The following PINX1 variants were observed in gnomAD, a reference collection of about 807,000 sequenced individuals.
The protein encoded by PINX1 is PIN2/TERF1-interacting telomerase inhibitor 1.
A neutral mutation model predicts 25.4 loss-of-function variants in PINX1; 34 were observed. The observed-to-expected ratio is 1.34, with a 90% CI of 1.02 to 1.78. The LOEUF is 1.78. PINX1 is among the 40% of genes most tolerant of loss of function. The pLI is 0.00. For missense variants in PINX1, 592 were observed against 404.9 expected, an observed-to-expected ratio of 1.46 and a Z score of -3.97; for synonymous variants, 197 against 147.7, an observed-to-expected ratio of 1.33 and a Z score of -2.42.
chr8:10,805,015 C>T (rs1407108984), intron 6 of PINX1, among the ~76,000 whole-genome samples: 1 of 151,946 alleles, frequency 6.6e-6, no homozygotes, highest in Non-Finnish European at 1.5e-5. Flanking sequence ...TGGCACTCAG[C>T]TCATTCCTCT....
At chr8:10,779,956 G>T (rs371175513) in intron 6 of PINX1, among the ~76,000 whole-genome samples, 1 of 152,104 alleles carries the variant, frequency 6.6e-6, no homozygotes, top group African/African-American at 2.4e-5. Flanking sequence ...AGTGGACCTG[G>T]AAACTCTTAC....
chr8:10,780,994 C>A (rs1801568131), intron 6 of PINX1, among the ~76,000 whole-genome samples: 1 of 151,944 alleles, frequency 6.6e-6, no homozygotes, highest in Non-Finnish European at 1.5e-5. Flanking sequence ...GGTACTGGCA[C>A]AAAAAACAGA....
intron 1 of PINX1, among the ~76,000 whole-genome samples, chr8:10,837,884 T>A (rs1798450695): frequency 6.6e-6 from 1 of 152,216 alleles, no homozygotes; most frequent in Non-Finnish European, 1.5e-5. Context: ...GAGGCCTCCG[T>A]ACTTGAGTCC....
intron 5 of PINX1, among the ~76,000 whole-genome samples, chr8:10,822,532 G>A (rs1797909958): frequency 1.3e-5 from 2 of 152,188 alleles, no homozygotes; most frequent in African/African-American, 4.8e-5. Context: ...GTACTTTCAA[G>A]GAAGAACACT....
rs975378812 is a variant in PINX1, at chr8:10,794,293, G to T, written c.471+25900C>A. 1.3e-5 allele frequency among the ~76,000 whole-genome samples: 2 copies of T among 152,108 alleles called. 1 individual carries two copies. Among genetic ancestry groups the T allele is most frequent in the Non-Finnish European group, 2.9e-5 (2 of 68,004 alleles). ...TTTTAAATTACATTTAAAACATACA[G>T]ATCTTAAAATTTCAAATATTTCCGT... On this transcript the variant is annotated intron_variant, in intron 6 of 6. Coordinates refer to ENST00000314787, the MANE Select transcript of PINX1 (RefSeq NM_017884.6).
intron 6 of PINX1, among the ~76,000 whole-genome samples, chr8:10,772,876 C>T (rs938895835): frequency 6.6e-6 from 1 of 151,760 alleles, no homozygotes; most frequent in African/African-American, 2.4e-5. Context: ...CCAGAGGGTT[C>T]TCTCTAGAAC....
intron 2 of PINX1, among the ~76,000 whole-genome samples, chr8:10,833,291 A>G (rs1333996005): frequency 6.6e-6 from 1 of 152,224 alleles, no homozygotes; most frequent in African/African-American, 2.4e-5. Context: ...TGAAGGAAGT[A>G]GGATGACGGA....
Position 10,799,746 on chromosome 8 carries a change from A to G in PINX1, c.471+20447T>C, listed in dbSNP as rs920098856. Among the ~76,000 whole-genome samples, 5 of 152,344 alleles carry G rather than the reference A, an allele frequency of 3.3e-5. No homozygotes were observed. In the East Asian group the frequency reaches 7.7e-4, roughly 23 times the overall value. Reference sequence around the variant, plus strand: ...GGACATGACACAGGGCCATTAGGTAAGAGGAGCCGCTGGCAGGGGATCAAG... The same window carrying G: ...GGACATGACACAGGGCCATTAGGTAGGAGGAGCCGCTGGCAGGGGATCAAG... On this transcript the variant is annotated intron_variant, in intron 6 of 6. Coordinates refer to ENST00000314787, the MANE Select transcript of PINX1 (RefSeq NM_017884.6).
intron 6 of PINX1, among the ~76,000 whole-genome samples, chr8:10,788,895 A>C (rs965398876): frequency 2.6e-5 from 4 of 152,026 alleles, no homozygotes; most frequent in African/African-American, 9.7e-5. Flanking sequence ...TTTTTCCCTG[A>C]AAGAGTCACA....
intron 3 of PINX1, among the ~76,000 whole-genome samples, 184 bp from the exon 4 acceptor site, chr8:10,831,927 C>T (rs1258082986): frequency 6.6e-6 from 1 of 152,132 alleles, no homozygotes; most frequent in Non-Finnish European, 1.5e-5. Context: ...TGCTCTTTAT[C>T]CAGGTCAATA....
chr8:10,806,216 GGGA>G (rs1434400823), intron 6 of PINX1, among the ~76,000 whole-genome samples: 1 of 152,192 alleles, frequency 6.6e-6, no homozygotes, highest in East Asian at 1.9e-4. Context: ...CTAGTGCTGA[GGGA>G]GGAGGCAGAG....
intron 6 of PINX1, among the ~76,000 whole-genome samples, chr8:10,797,449 A>G (rs964395416): frequency 3.9e-5 from 6 of 152,208 alleles, no homozygotes; most frequent in South Asian, 2.1e-4. Flanking sequence ...CCTGATCTCA[A>G]AGTTTTGAAC....
intron 6 of PINX1, among the ~76,000 whole-genome samples, chr8:10,774,215 T>C (rs1276759153): frequency 3.9e-5 from 6 of 152,070 alleles, no homozygotes; most frequent in African/African-American, 9.7e-5. Context: ...CTCCTTACTA[T>C]AGAAAGCACA....
At chr8:10,819,792 G>A (rs1267659705) in intron 6 of PINX1, among the ~76,000 whole-genome samples, 1 of 152,172 alleles carries the variant, frequency 6.6e-6, no homozygotes, top group Non-Finnish European at 1.5e-5. Flanking sequence ...GAGAATGAAG[G>A]TGACATGCTT....
chr8:10,827,286 C>G (rs1423849441), intron 4 of PINX1, among the ~76,000 whole-genome samples: 1 of 152,140 alleles, frequency 6.6e-6, no homozygotes, highest in East Asian at 1.9e-4. Flanking sequence ...GCAGCAATAG[C>G]TCCAAGCCAC....
At chr8:10,767,256 T>C (rs1357286861) in intron 6 of PINX1, among the ~76,000 whole-genome samples, 1 of 152,198 alleles carries the variant, frequency 6.6e-6, no homozygotes, top group African/African-American at 2.4e-5. Flanking sequence ...GACCCTGTAT[T>C]GTCTCGACAC....
chr8:10,767,269 T>C lies in PINX1; in HGVS notation c.472-1353A>G, dbSNP rs920638800. Reference sequence around the variant, plus strand: ...CAGACCCTGTATTGTCTCGACACAGTGGTCCTCAAAAGCCACCTCAGTGGA... The same window carrying C: ...CAGACCCTGTATTGTCTCGACACAGCGGTCCTCAAAAGCCACCTCAGTGGA... On this transcript the variant is annotated intron_variant, in intron 6 of 6. Coordinates refer to ENST00000314787, the MANE Select transcript of PINX1 (RefSeq NM_017884.6). Among the ~76,000 whole-genome samples, 8 of 152,142 alleles carry C rather than the reference T, an allele frequency of 5.3e-5. No homozygotes were observed. In the South Asian group the frequency reaches 1.5e-3, roughly 28 times the overall value.
intron 6 of PINX1, among the ~76,000 whole-genome samples, chr8:10,818,390 G>C (rs567023672): frequency 6.6e-6 from 1 of 152,232 alleles, no homozygotes; most frequent in Admixed American, 6.5e-5. Context: ...AAAACCTCAA[G>C]GCACCCAACA....
chr8:10,838,502 T>C (rs76060644), intron 1 of PINX1, among the ~76,000 whole-genome samples: 1 of 152,172 alleles, frequency 6.6e-6, no homozygotes, highest in Non-Finnish European at 1.5e-5. Context: ...GGGATAAAAA[T>C]ATTAAGAGAA....
Sources: allele counts gnomAD v4.1 joint callset (sites outside exome capture counted in the v4.1 genomes callset), GRCh38; gene constraint gnomAD v4.1.1; transcripts MANE v1.5; gene names NCBI Gene and HGNC (gene_info 2026-07-23, HGNC 2026-07-21).